Variants in LVRN observed in about 807,000 individuals in gnomAD.
The protein encoded by LVRN is laeverin.
A neutral mutation model predicts 111.4 loss-of-function variants in LVRN; 99 were observed. The observed-to-expected ratio is 0.89, with a 90% CI of 0.76 to 1.05. The LOEUF (loss-of-function observed/expected upper bound fraction) is 1.05. LVRN is among the 50% of genes least tolerant of loss of function. LVRN has a pLI of 0.00. For missense variants in LVRN, 1,414 were observed against 1,206.8 expected (o/e 1.17, Z -2.54); for synonymous variants, 488 against 449.5 (o/e 1.09, Z -1.08).
chr5:116,007,905 G>A (rs1748411326), intron 13 of LVRN, among the ~76,000 whole-genome samples: 1 of 152,176 alleles, frequency 6.6e-6, no homozygotes, highest in African/African-American at 2.4e-5. Context: ...TGTTATGACT[G>A]TAATTGTTTT....
intron 18 of LVRN, among the ~76,000 whole-genome samples, chr5:116,016,271 A>G (rs904017897): frequency 6.6e-6 from 1 of 152,228 alleles, no homozygotes; most frequent in African/African-American, 2.4e-5. Flanking sequence ...TTTATAGTCA[A>G]AATGACACAG....
rs1748226531 is a variant in LVRN, at chr5:116,001,059, TA to T, written c.1648-4del. ...CTTACCTGCCTTTGTGGTGATTTTT[TA>T]AAACAGGCCATAGATGACCAGAGTA... On this transcript the variant is annotated splice_polypyrimidine_tract_variant and splice_region_variant and intron_variant, in intron 9 of 19. Coordinates refer to ENST00000357872, the MANE Select transcript of LVRN (RefSeq NM_173800.5). The T allele has an allele frequency of 6.3e-7, 1 of 1,576,562 alleles. No homozygotes were observed. The highest frequency in any genetic ancestry group is 8.6e-7 in the Non-Finnish European group (1 of 1,167,484).
intron 5 of LVRN, 140 bp from the exon 6 acceptor site, chr5:115,993,601 T>C: frequency 1.7e-6 from 1 of 593,904 alleles, no homozygotes; most frequent in Non-Finnish European, 3.0e-6. Context: ...TTTGGTGTCC[T>C]GTCTTCAAGT....
chr5:115,979,250 G>T (rs1753512976), intron 1 of LVRN, among the ~76,000 whole-genome samples: 1 of 152,090 alleles, frequency 6.6e-6, no homozygotes, highest in African/African-American at 2.4e-5. Flanking sequence ...ATCCCCACCT[G>T]GTAGGAGTTA....
intron 1 of LVRN, among the ~76,000 whole-genome samples, chr5:115,973,818 A>G (rs1753377912): frequency 6.6e-6 from 1 of 151,800 alleles, no homozygotes; most frequent in Non-Finnish European, 1.5e-5. Flanking sequence ...ATCTAGTACC[A>G]CTCTACCACT....
chr5:115,989,508 C>T (rs866451665), intron 4 of LVRN, among the ~76,000 whole-genome samples: 2 of 152,204 alleles, frequency 1.3e-5, no homozygotes, highest in Non-Finnish European at 1.5e-5. Flanking sequence ...ACCATCTGAA[C>T]TCTTGACCAA....
chr5:115,965,992 C>T (rs1471616022), intron 1 of LVRN, among the ~76,000 whole-genome samples: 38 of 152,024 alleles, frequency 2.5e-4, no homozygotes. Context: ...ATAGATTCAC[C>T]AGAAGTTGCA....
chr5:115,983,336 C>G lies in LVRN; in HGVS notation c.745C>G (p.Pro249Ala). 6.2e-7 allele frequency: 1 copy of G among 1,611,272 alleles called. No homozygotes were observed. The highest frequency in any genetic ancestry group is 8.5e-7 in the Non-Finnish European group (1 of 1,179,126). The stretch of plus-strand genomic sequence containing the variant: ...ACCAACATTTGCCAGGTATGTTTTC[C>G]CTTGTTTTGATGAGCCAGCTCTGAA... ...LEPTFARYVF[P>A]CFDEPALKAT... is the part of the protein sequence containing the mutation. Residue 249 changes from proline to alanine, a missense_variant, in exon 2 of 20, where the codon CCT becomes GCT. Coordinates refer to ENST00000357872, the MANE Select transcript of LVRN (RefSeq NM_173800.5).
At chr5:115,974,873 C>G in intron 1 of LVRN, 1 of 414,012 alleles carries the variant, frequency 2.4e-6, no homozygotes, top group Non-Finnish European at 4.8e-6. Context: ...CTCTCCCGAC[C>G]AATCTCTCTG....
chr5:115,983,932 C>G (rs1235513770), intron 2 of LVRN, among the ~76,000 whole-genome samples: 1 of 152,168 alleles, frequency 6.6e-6, no homozygotes, highest in Non-Finnish European at 1.5e-5. Context: ...AGTCTCAGGA[C>G]TTTAGTTGAA....
chr5:115,985,114 A>G (rs146004333), intron 3 of LVRN, among the ~76,000 whole-genome samples: 1 of 152,296 alleles, frequency 6.6e-6, no homozygotes, highest in Non-Finnish European at 1.5e-5. Context: ...ACAGTTAGCA[A>G]CCAGCATGGC....
intron 13 of LVRN, among the ~76,000 whole-genome samples, chr5:116,006,679 ATCTTT>A (rs1485134874): frequency 1.3e-5 from 2 of 152,088 alleles, no homozygotes; most frequent in African/African-American, 4.8e-5. Flanking sequence ...ACTTTCTTCT[ATCTTT>A]TCTTTGATAA....
chr5:116,015,084 A>G (rs1561569151), intron 16 of LVRN, among the ~76,000 whole-genome samples, 168 bp from the exon 17 acceptor site: 1 of 152,144 alleles, frequency 6.6e-6, no homozygotes, highest in African/African-American at 2.4e-5. Flanking sequence ...ATCTCTTCTC[A>G]TGGAACTAAT....
At chr5:115,985,429 G>A (rs1747836876) in intron 3 of LVRN, among the ~76,000 whole-genome samples, 1 of 152,074 alleles carries the variant, frequency 6.6e-6, no homozygotes, top group Non-Finnish European at 1.5e-5. Flanking sequence ...AAGCATACGT[G>A]CCCCGGAAGG....
At chr5:116,003,050 G>T (rs1163121057) in intron 11 of LVRN, 139 bp downstream of exon 11, 12 of 935,752 alleles carry the variant, frequency 1.3e-5, no homozygotes, top group South Asian at 1.9e-5. Context: ...GAGTTTTAAA[G>T]AAAAGTGTCA....
rs116142460 is a variant in LVRN at position 115,985,328 on chromosome 5, T to G, written c.978+619T>G. 7.5e-3 allele frequency among the ~76,000 whole-genome samples: 1,139 copies of G among 152,226 alleles called. 15 individuals carry two copies. The highest frequency in any genetic ancestry group is 0.026 in the African/African-American group (1,088 of 41,540). On this transcript the variant is annotated intron_variant, in intron 3 of 19. Transcript: ENST00000357872. ...GTTTGGAATGTTTTATTAAGGGAAC[T>G]TAAAGACAGAAGCATGGTCTTGGGT...
chr5:116,015,717 A>G lies in LVRN; in HGVS notation c.2708A>G (p.Tyr903Cys), dbSNP rs1367869828. Residue 903 changes from tyrosine (Y) to cysteine (C), a missense_variant, in exon 18 of 20, where the codon TAT (tyrosine) becomes TGT (cysteine). Tyr to Cys is a radical substitution (Grantham distance 194, BLOSUM62 -2). Coordinates refer to ENST00000357872, the MANE Select transcript of LVRN (RefSeq NM_173800.5). Reference protein sequence around the residue: ...EVVASSEVGRYVAKDFLVNNW... With the variant: ...EVVASSEVGRCVAKDFLVNNW... Reference sequence around the variant, plus strand: ...GTGGCTTCATCTGAAGTTGGCCGGTATGTCGCAAAAGACTTCTTAGTCAAC... The same window carrying G: ...GTGGCTTCATCTGAAGTTGGCCGGTGTGTCGCAAAAGACTTCTTAGTCAAC... 2 of 1,613,620 alleles carry G rather than the reference A, an allele frequency of 1.2e-6. No individual in the cohort carries two copies. Among genetic ancestry groups the G allele is most frequent in the East Asian group, 2.2e-5 (1 of 44,868 alleles).
chr5:115,979,002 G>A (rs938332805), intron 1 of LVRN, among the ~76,000 whole-genome samples: 3 of 151,838 alleles, frequency 2.0e-5, no homozygotes, highest in South Asian at 4.2e-4. Context: ...TCTTTGTTCT[G>A]ATAGTCATCA....
chr5:115,976,062 C>T (rs1363364932), intron 1 of LVRN: 1 of 153,052 alleles, frequency 6.5e-6, no homozygotes, highest in Non-Finnish European at 1.5e-5. Context: ...ACCACACCAA[C>T]TAAGTCGTTC....
Sources: allele counts gnomAD v4.1 joint callset (sites outside exome capture counted in the v4.1 genomes callset), GRCh38; gene constraint gnomAD v4.1.1; transcripts MANE v1.5; gene names NCBI Gene and HGNC (gene_info 2026-07-23, HGNC 2026-07-21).